TMEM178B: variants seen among roughly 807,000 people sequenced by gnomAD.
TMEM178B encodes the protein transmembrane protein 178B.
Under a neutral mutation model 31.0 loss-of-function variants are expected in TMEM178B, and 5 were observed. That is an observed-to-expected ratio of 0.16 (90% CI 0.08 to 0.34). The LOEUF (loss-of-function observed/expected upper bound fraction) is 0.34, where lower values mean the gene tolerates loss of function less well. Ranked by LOEUF, TMEM178B falls within the 10% of genes least tolerant of loss-of-function variation. The pLI is 1.00. For synonymous variants in TMEM178B, 164 were observed against 164.0 expected, an observed-to-expected ratio of 1.00 and a Z score of 0.00; for missense variants, 275 against 400.3, an observed-to-expected ratio of 0.69 and a Z score of 2.67.
chr7:141,308,802 G>A (rs1387693591), intron 2 of TMEM178B, among the ~76,000 whole-genome samples: 1 of 152,210 alleles, frequency 6.6e-6, no homozygotes, highest in Non-Finnish European at 1.5e-5. Flanking sequence ...GCCATGAGCT[G>A]GGTGGGGAGG....
chr7:141,286,274 C>CA (rs1798446830), intron 2 of TMEM178B, among the ~76,000 whole-genome samples: 4 of 152,128 alleles, frequency 2.6e-5, no homozygotes, highest in Admixed American at 2.0e-4. Flanking sequence ...GGAGGGTCAA[C>CA]AGTCATCTAA....
chr7:141,381,343 T>C (rs1388663577), intron 2 of TMEM178B, among the ~76,000 whole-genome samples: 20 of 152,240 alleles, frequency 1.3e-4, no homozygotes, highest in Non-Finnish European at 1.5e-5. Flanking sequence ...AGATGTAGAC[T>C]CTTTCCCTGT....
At chr7:141,196,190 C>T (rs570166723) in intron 1 of TMEM178B, among the ~76,000 whole-genome samples, 16 of 152,284 alleles carry the variant, frequency 1.1e-4, no homozygotes, top group Non-Finnish European at 2.4e-4. Context: ...TTTAATGACT[C>T]TATAATATTC....
At chr7:141,145,015 A>G (rs184208341) in intron 1 of TMEM178B, among the ~76,000 whole-genome samples, 4 of 152,248 alleles carry the variant, frequency 2.6e-5, no homozygotes, top group African/African-American at 9.6e-5. Context: ...TCTGACCTTT[A>G]GCTCTGGCAT....
chr7:141,267,132 A>G (rs1431527030), intron 2 of TMEM178B, among the ~76,000 whole-genome samples: 1 of 152,212 alleles, frequency 6.6e-6, no homozygotes, highest in East Asian at 1.9e-4. Flanking sequence ...GCCGATCTAC[A>G]GCTAAAAGCT....
intron 1 of TMEM178B, among the ~76,000 whole-genome samples, chr7:141,150,325 A>G (rs1795948684): frequency 6.6e-6 from 1 of 152,220 alleles, no homozygotes; most frequent in Non-Finnish European, 1.5e-5. Context: ...TTGTAGGTCC[A>G]AGTCAGGATG....
chr7:141,161,924 AT>A (rs1232346135), intron 1 of TMEM178B, among the ~76,000 whole-genome samples: 1 of 146,044 alleles, frequency 6.8e-6, no homozygotes, highest in African/African-American at 2.6e-5. Context: ...GCATGTGAGA[AT>A]GTGTGTGTTT....
intron 2 of TMEM178B, among the ~76,000 whole-genome samples, chr7:141,244,076 G>A (rs530922835): frequency 2.0e-5 from 3 of 152,110 alleles, no homozygotes; most frequent in Non-Finnish European, 4.4e-5. Flanking sequence ...TGTTTCTCAC[G>A]ATTTTTTCAA....
rs1044571537 is a variant in TMEM178B at position 141,318,867 on chromosome 7, T to C, written c.496+106163T>C. Among the ~76,000 whole-genome samples the C allele has an allele frequency of 1.3e-5, 2 of 152,204 alleles. No homozygotes were observed. The highest frequency in any genetic ancestry group is 4.8e-5 in the African/African-American group (2 of 41,458). On this transcript the variant is annotated intron_variant, in intron 2 of 3. Coordinates refer to ENST00000565468, the MANE Select transcript of TMEM178B (RefSeq NM_001195278.2). The surrounding 1 kb of genome is among the most constrained non-coding windows in gnomAD (Gnocchi z 4.1). ...TGTTGTCTCAATTCAGTTAAAGAGATCTTTTTTTAACCATATGTGCCAGAA... is the reference window on the plus strand; with the variant it reads ...TGTTGTCTCAATTCAGTTAAAGAGACCTTTTTTTAACCATATGTGCCAGAA...
intron 3 of TMEM178B, among the ~76,000 whole-genome samples, chr7:141,443,932 C>T (rs1256102940): frequency 2.0e-5 from 3 of 152,184 alleles, no homozygotes; most frequent in Admixed American, 6.5e-5. Context: ...CTCATTGGTA[C>T]AGCTTTGGCC....
chr7:141,422,088 G>A lies in TMEM178B; in HGVS notation c.497-15520G>A, dbSNP rs989908871. Among the ~76,000 whole-genome samples, 3 of 152,064 alleles carry A rather than the reference G, an allele frequency of 2.0e-5. No individual in the cohort carries two copies. The highest frequency in any genetic ancestry group is 2.9e-5 in the Non-Finnish European group (2 of 68,034). ...ACATTTTCTTAGAAACCTGCAATAC[G>A]GAAAGAGATCTGTTCAGCTTCTTTA... is the stretch of plus-strand genomic sequence containing the variant. On this transcript the variant is annotated intron_variant, in intron 2 of 3. Coordinates refer to ENST00000565468, the MANE Select transcript of TMEM178B (RefSeq NM_001195278.2). This position sits in a 1 kb window ranked among gnomAD's most constrained non-coding sequence, Gnocchi z 4.2.
intron 1 of TMEM178B, among the ~76,000 whole-genome samples, chr7:141,108,204 A>G (rs1795177053): frequency 6.6e-6 from 1 of 152,234 alleles, no homozygotes; most frequent in Non-Finnish European, 1.5e-5. Context: ...GTGGTAGAGA[A>G]ATGAAGCATT....
At chr7:141,183,963 C>T (rs560864422) in intron 1 of TMEM178B, among the ~76,000 whole-genome samples, 9 of 152,314 alleles carry the variant, frequency 5.9e-5, no homozygotes, top group Admixed American at 1.3e-4. Flanking sequence ...AACTGGACCT[C>T]TCTGAGGTCA....
chr7:141,232,793 G>T (rs1797468022), intron 2 of TMEM178B, among the ~76,000 whole-genome samples: 1 of 152,150 alleles, frequency 6.6e-6, no homozygotes, highest in Admixed American at 6.5e-5. Context: ...TTACCAGCAG[G>T]CAGGGCTGTG....
intron 3 of TMEM178B, among the ~76,000 whole-genome samples, chr7:141,447,806 G>A (rs762339300): frequency 6.6e-6 from 1 of 152,042 alleles, no homozygotes; most frequent in African/African-American, 2.4e-5. Context: ...TATACAATTT[G>A]TGGGGCCCAG....
In TMEM178B at chr7:141,291,979, C is replaced by G. The variant is rs138077623; in HGVS notation, c.496+79275C>G. Among the ~76,000 whole-genome samples, 639 of 147,624 alleles carry G rather than the reference C, an allele frequency of 4.3e-3. 4 individuals are homozygous for G. Among genetic ancestry groups the G allele is most frequent in the African/African-American group, 0.015 (615 of 40,026 alleles). On this transcript the variant is annotated intron_variant, in intron 2 of 3. Coordinates refer to ENST00000565468, the MANE Select transcript of TMEM178B (RefSeq NM_001195278.2). ...AGCCCTGCCTGCTCTTTTCCCTTTC[C>G]TTATTGGCTCTTTGTTATTTCATCT... is the stretch of plus-strand genomic sequence containing the variant.
intron 2 of TMEM178B, among the ~76,000 whole-genome samples, chr7:141,327,316 A>G (rs1799209791): frequency 6.6e-6 from 1 of 152,130 alleles, no homozygotes. Context: ...AAATTAATAA[A>G]CTTATTTTTC....
At chr7:141,370,393 A>G (rs76287025) in intron 2 of TMEM178B, among the ~76,000 whole-genome samples, 9,920 of 152,306 alleles carry the variant, frequency 0.065, 435 homozygotes, top group East Asian at 0.18. Context: ...ACCCTGGAAC[A>G]TTGCTGAGCT....
intron 2 of TMEM178B, among the ~76,000 whole-genome samples, chr7:141,421,806 T>TA (rs1289879737): frequency 6.6e-6 from 1 of 152,148 alleles, no homozygotes; most frequent in African/African-American, 2.4e-5. Flanking sequence ...AGGTCATCTG[T>TA]AAACAATTTA....
Sources: allele counts gnomAD v4.1 joint callset (sites outside exome capture counted in the v4.1 genomes callset), GRCh38; gene constraint gnomAD v4.1.1; non-coding constraint Gnocchi (gnomAD v3.1); transcripts MANE v1.5; gene names NCBI Gene and HGNC (gene_info 2026-07-23, HGNC 2026-07-21).